KCNMA1: variants seen among roughly 807,000 people sequenced by gnomAD.
KCNMA1 encodes the protein Calcium-activated potassium channel subunit alpha-1.
KCNMA1 carries 29 observed loss-of-function variants against 140.0 expected under a neutral mutation model. The observed-to-expected ratio is 0.21, with a 90% confidence interval of 0.15 to 0.28. The LOEUF is 0.28. Among genes scored for constraint, KCNMA1 ranks in the 10% least tolerant of loss-of-function variants. The probability of loss-of-function intolerance (pLI) is 1.00; values close to 1 mark genes in which losing one functional copy is unlikely to be tolerated. For missense variants in KCNMA1, 880 were observed against 1,602.2 expected, an observed-to-expected ratio of 0.55 and a Z score of 7.70; for synonymous variants, 612 against 611.9, an observed-to-expected ratio of 1.00 and a Z score of 0.00.
At chr10:77,290,982 A>C (rs1237728625) in intron 2 of KCNMA1, among the ~76,000 whole-genome samples, 3 of 152,226 alleles carry the variant, frequency 2.0e-5, no homozygotes, top group Non-Finnish European at 4.4e-5. Flanking sequence ...CCAGACATGC[A>C]GCATTCTTGA....
At chr10:77,227,420 A>G (rs2051870040) in intron 3 of KCNMA1, among the ~76,000 whole-genome samples, 1 of 152,184 alleles carries the variant, frequency 6.6e-6, no homozygotes, top group South Asian at 2.1e-4. Flanking sequence ...CATCAATGCT[A>G]TACTCCCTGG....
At chr10:76,940,094 T>C (rs1314151934) in intron 23 of KCNMA1, among the ~76,000 whole-genome samples, 1 of 152,264 alleles carries the variant, frequency 6.6e-6, no homozygotes, top group Non-Finnish European at 1.5e-5. Flanking sequence ...CTGCTTTATA[T>C]AATTGTCACT....
At chr10:77,498,788 T>C (rs1357294894) in intron 1 of KCNMA1, 1 of 150,850 alleles carries the variant, frequency 6.6e-6, no homozygotes, top group Non-Finnish European at 1.5e-5. Flanking sequence ...TTCTTAACTA[T>C]AAAAGGTAGA....
At chr10:77,193,444 C>T (rs1423174711) in intron 3 of KCNMA1, among the ~76,000 whole-genome samples, 2 of 152,184 alleles carry the variant, frequency 1.3e-5, no homozygotes, top group African/African-American at 2.4e-5. Flanking sequence ...TCTACTCACT[C>T]GTTCCACTCC....
intron 1 of KCNMA1, among the ~76,000 whole-genome samples, chr10:77,617,081 C>A (rs1302721902): frequency 1.3e-5 from 2 of 152,104 alleles, no homozygotes. Context: ...GAAAGGCAAC[C>A]GTATTACTTA....
chr10:77,242,594 T>C (rs1176180118), intron 3 of KCNMA1, among the ~76,000 whole-genome samples: 1 of 152,224 alleles, frequency 6.6e-6, no homozygotes, highest in Non-Finnish European at 1.5e-5. Context: ...GTTCTTGTTT[T>C]GTTATCTTAT....
chr10:77,068,698 T>TCGTGTG (rs139450755), intron 14 of KCNMA1, among the ~76,000 whole-genome samples: 1 of 132,576 alleles, frequency 7.5e-6, no homozygotes, highest in Non-Finnish European at 1.6e-5. Context: ...GTTCCAGGTT[T>TCGTGTG]TGTGTGTGTG....
intron 16 of KCNMA1, chr10:77,022,831 G>A: frequency 3.4e-6 from 1 of 290,272 alleles, no homozygotes; most frequent in Non-Finnish European, 7.3e-6. Context: ...GATTAAAGGA[G>A]TGACCACACC....
At chr10:77,427,721 A>T (rs746831455) in intron 1 of KCNMA1, among the ~76,000 whole-genome samples, 21,346 of 95,920 alleles carry the variant, frequency 0.22, 1,707 homozygotes, top group Non-Finnish European at 0.27. Flanking sequence ...CCATCCATTC[A>T]TTTATTTATT....
intron 1 of KCNMA1, among the ~76,000 whole-genome samples, chr10:77,530,537 G>A (rs913488805): frequency 3.3e-5 from 5 of 152,132 alleles, no homozygotes; most frequent in African/African-American, 9.7e-5. Context: ...TGCAAGTCAC[G>A]CCTAGAGCAG....
chr10:77,131,874 A>G (rs2097864774), intron 5 of KCNMA1, among the ~76,000 whole-genome samples: 1 of 150,802 alleles, frequency 6.6e-6, no homozygotes, highest in Non-Finnish European at 1.5e-5. Context: ...CTGAGGCAGG[A>G]GAATCGCTTG....
At chr10:77,586,043 AT>A (rs1258791692) in intron 1 of KCNMA1, among the ~76,000 whole-genome samples, 3 of 152,248 alleles carry the variant, frequency 2.0e-5, no homozygotes, top group Non-Finnish European at 4.4e-5. Context: ...GAAATGGAAC[AT>A]CCCAAACTTT....
At chr10:77,143,542 G>A (rs74588855) in intron 5 of KCNMA1, among the ~76,000 whole-genome samples, 2,769 of 152,062 alleles carry the variant, frequency 0.018, 45 homozygotes, top group South Asian at 0.04. Flanking sequence ...ATCTACAAAG[G>A]GAAAGAAATC....
At chr10:77,488,181 A>G (rs1050039352) in intron 1 of KCNMA1, among the ~76,000 whole-genome samples, 6 of 152,254 alleles carry the variant, frequency 3.9e-5, no homozygotes, top group African/African-American at 1.4e-4. Flanking sequence ...ACTCCCAAAG[A>G]CCCTCAAAGG....
chr10:77,077,743 C>T (rs2096442353), intron 13 of KCNMA1: 1 of 152,222 alleles, frequency 6.6e-6, no homozygotes, highest in Non-Finnish European at 1.5e-5. Context: ...CAGGAGCTGT[C>T]ACTAGTCACA....
intron 20 of KCNMA1, 66 bp downstream of exon 20, chr10:76,969,908 G>A: frequency 7.9e-7 from 1 of 1,273,020 alleles, no homozygotes; most frequent in East Asian, 2.3e-5. Flanking sequence ...GCAGGGTGAG[G>A]AGAGGGCGAG....
intron 1 of KCNMA1, among the ~76,000 whole-genome samples, chr10:77,621,428 C>G (rs2091330292): frequency 1.3e-5 from 2 of 152,088 alleles, no homozygotes; most frequent in South Asian, 4.2e-4. Context: ...TTGCACAGGC[C>G]CATGGTTTAA....
chr10:77,483,192 G>C (rs1472430827), intron 1 of KCNMA1, among the ~76,000 whole-genome samples: 2 of 152,160 alleles, frequency 1.3e-5, no homozygotes, highest in African/African-American at 4.8e-5. Context: ...GGAGATTTCT[G>C]TTTTAATTTC....
chr10:77,500,461 A>C (rs2043467895), intron 1 of KCNMA1, among the ~76,000 whole-genome samples: 1 of 152,172 alleles, frequency 6.6e-6, no homozygotes, highest in African/African-American at 2.4e-5. Context: ...CAGCCAGGGC[A>C]ATATAGTGAG....
Sources: allele counts gnomAD v4.1 joint callset (sites outside exome capture counted in the v4.1 genomes callset), GRCh38; gene constraint gnomAD v4.1.1; transcripts MANE v1.5; gene names NCBI Gene and HGNC (gene_info 2026-07-23, HGNC 2026-07-21).